The following KIF27 variants were observed in gnomAD, a reference collection of about 807,000 sequenced individuals.
KIF27 encodes the protein kinesin family member 27, also known as kinesin-like protein KIF27.
In KIF27, 84 loss-of-function variants were observed where a neutral mutation model predicts 141.8. That is an observed-to-expected ratio of 0.59 (90% CI 0.50 to 0.71). The LOEUF (loss-of-function observed/expected upper bound fraction) is 0.71, where lower values mean the gene tolerates loss of function less well. Ranked by LOEUF, KIF27 falls within the 30% of genes least tolerant of loss-of-function variation. KIF27 has a pLI of 0.00. For missense variants in KIF27, 1,306 were observed against 1,628.4 expected (o/e 0.80, Z 3.41); for synonymous variants, 471 against 569.5 (o/e 0.83, Z 2.46).
intron 13 of KIF27, among the ~76,000 whole-genome samples, chr9:83,860,648 C>T (rs1309157866): frequency 6.6e-6 from 1 of 152,200 alleles, no homozygotes; most frequent in African/African-American, 2.4e-5. Flanking sequence ...TTTCATTTAT[C>T]AAACTTATCA....
chr9:83,839,950 A>G (rs1946372337), intron 17 of KIF27, among the ~76,000 whole-genome samples: 1 of 152,210 alleles, frequency 6.6e-6, no homozygotes, highest in Non-Finnish European at 1.5e-5. Context: ...TTCAAAAACA[A>G]AAAACAAACA....
At chr9:83,848,180 T>TATATGATATATGATATATCAG (rs1947783465) in intron 16 of KIF27, among the ~76,000 whole-genome samples, 2 of 33,118 alleles carry the variant, frequency 6.0e-5, no homozygotes, top group Non-Finnish European at 1.0e-4. Context: ...TGATATATCA[T>TATATGATATATGATATATCAG]ATATGATATA....
intron 16 of KIF27, among the ~76,000 whole-genome samples, chr9:83,844,408 C>G (rs1190118577): frequency 6.6e-6 from 1 of 150,414 alleles, no homozygotes; most frequent in African/African-American, 2.5e-5. Flanking sequence ...CTAGAGAACC[C>G]TAATACAGGT....
intron 16 of KIF27, 29 bp downstream of exon 16, chr9:83,850,070 C>T (rs71502725): frequency 8.8e-6 from 14 of 1,588,310 alleles, no homozygotes; most frequent in Admixed American, 8.3e-5. Context: ...ACACATCAAC[C>T]TTACATAACT....
chr9:83,914,447 T>A (rs2132785198), intron 2 of KIF27, among the ~76,000 whole-genome samples: 1 of 152,208 alleles, frequency 6.6e-6, no homozygotes, highest in South Asian at 2.1e-4. Context: ...CCACCTCCCA[T>A]CCATGCATTT....
intron 14 of KIF27, among the ~76,000 whole-genome samples, chr9:83,858,073 A>G (rs1949463003): frequency 6.7e-6 from 1 of 149,500 alleles, no homozygotes; most frequent in Non-Finnish European, 1.5e-5. Flanking sequence ...TTAGGCTCTC[A>G]TGTCTTCAAA....
intron 1 of KIF27, among the ~76,000 whole-genome samples, chr9:83,920,001 G>C (rs530802729): frequency 6.6e-6 from 1 of 151,890 alleles, no homozygotes; most frequent in Non-Finnish European, 1.5e-5. Flanking sequence ...GGAGGCCAAG[G>C]CAGGTGGATC....
At chr9:83,841,075 T>A (rs1439340766) in intron 17 of KIF27, among the ~76,000 whole-genome samples, 1 of 140,086 alleles carries the variant, frequency 7.1e-6, no homozygotes, top group Non-Finnish European at 1.5e-5. Context: ...TAAGTTAGCA[T>A]TTTTTTTTTT....
chr9:83,883,716 G>A, intron 10 of KIF27, 97 bp downstream of exon 10: 3 of 764,092 alleles, frequency 3.9e-6, no homozygotes, highest in Non-Finnish European at 6.4e-6. Context: ...TCTCTTGCTG[G>A]TATAAACTGA....
At chr9:83,905,671 TA>T (rs1954444508) in intron 3 of KIF27, among the ~76,000 whole-genome samples, 3 of 152,368 alleles carry the variant, frequency 2.0e-5, no homozygotes, top group African/African-American at 7.2e-5. Flanking sequence ...TGTTAGGCTA[TA>T]AGTTAGCACT....
intron 2 of KIF27, among the ~76,000 whole-genome samples, chr9:83,914,811 A>C (rs1350866892): frequency 3.3e-5 from 5 of 152,206 alleles, no homozygotes; most frequent in Admixed American, 3.3e-4. Flanking sequence ...CATCTTTTCC[A>C]AACTACAATT....
Position 83,851,900 on chromosome 9 carries a change from C to T in KIF27, c.3358-1603G>A, listed in dbSNP as rs545821264. Among the ~76,000 whole-genome samples, 293 of 152,040 alleles carry T rather than the reference C, an allele frequency of 1.9e-3. 2 individuals carry two copies. Among genetic ancestry groups the T allele is most frequent in the African/African-American group, 6.6e-3 (274 of 41,448 alleles). Reference sequence around the variant, plus strand: ...ATCCCAGCACTTTGGGAGGCCGAGGCGGGAGGATCACGAGGTCAGGAGTTT... The same window carrying T: ...ATCCCAGCACTTTGGGAGGCCGAGGTGGGAGGATCACGAGGTCAGGAGTTT... On this transcript the variant is annotated intron_variant, in intron 15 of 17. Coordinates refer to ENST00000297814, the MANE Select transcript of KIF27 (RefSeq NM_017576.4).
At chr9:83,869,785 T>C (rs1233977158) in intron 12 of KIF27, among the ~76,000 whole-genome samples, 1 of 152,170 alleles carries the variant, frequency 6.6e-6, no homozygotes, top group African/African-American at 2.4e-5. Flanking sequence ...CCAGTGAACA[T>C]GGATTTCATG....
At chr9:83,844,843 C>T (rs1257175610) in intron 16 of KIF27, among the ~76,000 whole-genome samples, 1 of 152,174 alleles carries the variant, frequency 6.6e-6, no homozygotes, top group African/African-American at 2.4e-5. Flanking sequence ...GGATAAGTTG[C>T]TACATTCGGC....
intron 13 of KIF27, among the ~76,000 whole-genome samples, chr9:83,864,821 T>G (rs1269268344): frequency 6.6e-6 from 1 of 152,226 alleles, no homozygotes; most frequent in Admixed American, 6.5e-5. Flanking sequence ...AGTCTCTTTG[T>G]AGGTCTCTAA....
chr9:83,867,038 T>C (rs573614738), intron 13 of KIF27, among the ~76,000 whole-genome samples: 120 of 146,464 alleles, frequency 8.2e-4, no homozygotes, highest in African/African-American at 3.0e-3. Flanking sequence ...ACCACTATTC[T>C]AGTTTTTGTC....
rs1948361320 is a variant in KIF27 at position 83,850,051 on chromosome 9, C to A, written c.3556+48G>T. 2.0e-6 allele frequency: 3 copies of A among 1,477,142 alleles called. No individual in the cohort carries two copies. The East Asian group carries it at 6.8e-5, about 33-fold the overall frequency. 91.5% of individuals were successfully genotyped at this position (1,477,142 alleles called of 1,614,324 possible). Reference sequence around the variant, plus strand: ...AATTCTGTCCTATCTTCCTTCAGTACCCACACCTACACATCAACCTTACAT... The same window carrying A: ...AATTCTGTCCTATCTTCCTTCAGTAACCACACCTACACATCAACCTTACAT... On this transcript the variant is annotated intron_variant, in intron 16 of 17. Transcript: ENST00000297814.
chr9:83,909,303 T>C (rs1255915994), intron 2 of KIF27, among the ~76,000 whole-genome samples: 1 of 151,826 alleles, frequency 6.6e-6, no homozygotes, highest in Non-Finnish European at 1.5e-5. Flanking sequence ...ATTCAGAAGG[T>C]GACATCTGAG....
chr9:83,915,419 T>C lies in KIF27; in HGVS notation c.173A>G (p.Asp58Gly), dbSNP rs1256282163. ...DFVFGKNSTQDEVYNTCIKPL... is the reference protein window; with the variant it reads ...DFVFGKNSTQGEVYNTCIKPL... Reference sequence around the variant, plus strand: ...CTTTATACATGTGTTATAAACTTCATCTTGAGTGGAATTTTTGCCAAAAAC... The same window carrying C: ...CTTTATACATGTGTTATAAACTTCACCTTGAGTGGAATTTTTGCCAAAAAC... Residue 58 changes from aspartate (D) to glycine (G), a missense_variant, in exon 2 of 18, where the codon GAT becomes GGT. By Grantham distance (94) the Asp-to-Gly change is moderately conservative. Coordinates refer to ENST00000297814, the MANE Select transcript of KIF27 (RefSeq NM_017576.4). 6.8e-6 allele frequency: 11 copies of C among 1,613,754 alleles called. No individual in the cohort carries two copies. The highest frequency in any genetic ancestry group is 1.3e-5 in the African/African-American group (1 of 74,924).
Sources: gnomAD v4.1 joint callset for allele counts (sites outside exome capture counted in the v4.1 genomes callset) on GRCh38, gnomAD v4.1.1 for gene constraint, MANE v1.5 for transcripts, NCBI Gene and HGNC (gene_info 2026-07-23, HGNC 2026-07-21) for gene names.